Variants in CYFIP2 observed in about 807,000 individuals in gnomAD.
CYFIP2 encodes cytoplasmic FMR1 interacting protein 2, also known as cytoplasmic FMR1-interacting protein 2.
A neutral mutation model predicts 158.7 loss-of-function variants in CYFIP2; 29 were observed. That is an observed-to-expected ratio of 0.18 (90% CI 0.14 to 0.25). The LOEUF is 0.25. CYFIP2 is among the 10% of genes least tolerant of loss of function. CYFIP2 has a pLI of 1.00. For missense variants in CYFIP2, 852 were observed against 1,639.5 expected, an observed-to-expected ratio of 0.52 and a Z score of 8.29; for synonymous variants, 585 against 617.6, an observed-to-expected ratio of 0.95 and a Z score of 0.78.
intron 26 of CYFIP2, among the ~76,000 whole-genome samples, chr5:157,362,226 C>T (rs1011356312): frequency 1.3e-5 from 2 of 152,204 alleles, no homozygotes; most frequent in African/African-American, 4.8e-5. Context: ...GGTATGGCTT[C>T]TTCCAGGCCT....
At chr5:157,282,272 G>A (rs1354706081) in intron 1 of CYFIP2, among the ~76,000 whole-genome samples, 1 of 152,190 alleles carries the variant, frequency 6.6e-6, no homozygotes, top group Non-Finnish European at 1.5e-5. Context: ...TATACCATAT[G>A]GTGGAAGCAG....
At chr5:157,323,824 C>T (rs1760797579) in intron 15 of CYFIP2, 97 bp from the exon 16 acceptor site, 3 of 1,235,390 alleles carry the variant, frequency 2.4e-6, no homozygotes. Context: ...CAGACATCTG[C>T]AGAAAAAAAA....
chr5:157,273,108 C>T (rs1447684982), intron 1 of CYFIP2, among the ~76,000 whole-genome samples: 1 of 152,118 alleles, frequency 6.6e-6, no homozygotes, highest in East Asian at 1.9e-4. Context: ...TCAGGTGATC[C>T]ACCTGCCTCG....
intron 2 of CYFIP2, among the ~76,000 whole-genome samples, chr5:157,286,552 G>GTATATATATATATATATATATATATA (rs34826918): frequency 5.8e-5 from 8 of 138,116 alleles, no homozygotes; most frequent in African/African-American, 1.9e-4. Context: ...GCTATTTTAT[G>GTATATATATATATATATATATATATA]TATATATATA....
intron 7 of CYFIP2, 105 bp downstream of exon 7, chr5:157,302,995 A>G: frequency 1.2e-6 from 1 of 815,710 alleles, no homozygotes; most frequent in Non-Finnish European, 1.9e-6. Context: ...CTCAGTCTGC[A>G]GCTTCCATCT....
At chr5:157,308,899 A>G (rs1759467630) in intron 9 of CYFIP2, among the ~76,000 whole-genome samples, 2 of 152,164 alleles carry the variant, frequency 1.3e-5, no homozygotes, top group African/African-American at 4.8e-5. Context: ...GCCACTTAAT[A>G]GCTGGATGAC....
chr5:157,296,804 G>C (rs1329212307), intron 5 of CYFIP2, 30 bp downstream of exon 5: 1 of 1,579,906 alleles, frequency 6.3e-7, no homozygotes, highest in South Asian at 1.1e-5. Flanking sequence ...TCTGCATCTG[G>C]AGAACTGAAA....
rs371947703 is a variant in CYFIP2, at chr5:157,294,917, A to G, written c.285+57A>G. 3.6e-4 allele frequency: 510 copies of G among 1,409,098 alleles called. 1 individual carries two copies. The African/African-American group carries it at 5.4e-3, about 15-fold the overall frequency. The allele number at this position is 1,409,098 out of a possible 1,614,324, so 87.3% of individuals were successfully genotyped here. ...CCTCCAGAGGGCATTACTAACCCCT[A>G]CTTCATCCCCAAACCAGAGAGCTGA... On this transcript the variant is annotated intron_variant, in intron 4 of 30. Coordinates refer to ENST00000620254, the MANE Select transcript of CYFIP2 (RefSeq NM_001037333.3).
intron 1 of CYFIP2, among the ~76,000 whole-genome samples, chr5:157,267,971 C>A (rs1043493003): frequency 6.6e-6 from 1 of 152,244 alleles, no homozygotes; most frequent in Non-Finnish European, 1.5e-5. Context: ...GTTTGTTTGA[C>A]TGGTCAGGTG....
In CYFIP2 at chr5:157,320,695, G is replaced by A. The variant is rs1427383890; in HGVS notation, c.1564G>A (p.Gly522Arg). ...TCGAAAGACCATCTGTGACTGGGAG[G>A]GAGGGCGAGAGCCCCCTAATGACCC... ...AIRKTICDWEGGREPPNDPCL... is the reference protein window; with the variant it reads ...AIRKTICDWERGREPPNDPCL... The change falls in exon 15 of 31, where the codon GGA becomes AGA. Residue 522 changes from glycine to arginine, a missense_variant. Transcript: ENST00000620254. 2 of 1,613,964 alleles carry A rather than the reference G, an allele frequency of 1.2e-6. No homozygotes were observed. The highest frequency in any genetic ancestry group is 8.5e-7 in the Non-Finnish European group (1 of 1,179,858).
At chr5:157,338,488 T>C (rs1445012704) in intron 21 of CYFIP2, among the ~76,000 whole-genome samples, 1 of 152,260 alleles carries the variant, frequency 6.6e-6, no homozygotes, top group Non-Finnish European at 1.5e-5. Flanking sequence ...ACTTAACTTC[T>C]CAAAGCCTCG....
At chr5:157,276,223 C>G (rs1241806337) in intron 1 of CYFIP2, among the ~76,000 whole-genome samples, 1 of 152,140 alleles carries the variant, frequency 6.6e-6, no homozygotes, top group Non-Finnish European at 1.5e-5. Flanking sequence ...TTGTCTTGTT[C>G]TTGATCTTGG....
At chr5:157,362,888 T>G (rs1204969950) in intron 26 of CYFIP2, 1 of 152,184 alleles carries the variant, frequency 6.6e-6, no homozygotes, top group African/African-American at 2.4e-5. Context: ...GGGGAGAACA[T>G]GCACTGTTAC....
intron 23 of CYFIP2, chr5:157,343,115 T>A: frequency 6.2e-7 from 1 of 1,614,146 alleles, no homozygotes; most frequent in Non-Finnish European, 8.5e-7. Context: ...TCGCGGCTCA[T>A]GGCAACGGAC....
chr5:157,319,372 T>TG (rs1760407960), intron 13 of CYFIP2, among the ~76,000 whole-genome samples: 2 of 152,330 alleles, frequency 1.3e-5, no homozygotes, highest in South Asian at 4.1e-4. Context: ...TGTCTGTGAG[T>TG]GCCTGGTCTA....
At chr5:157,377,067 C>A in intron 26 of CYFIP2, 1 of 320,272 alleles carries the variant, frequency 3.1e-6, no homozygotes, top group Non-Finnish European at 6.3e-6. Context: ...CTGCTCACTT[C>A]CTTCTATCTC....
chr5:157,377,571 A>G (rs549122217), intron 26 of CYFIP2, among the ~76,000 whole-genome samples: 2 of 152,256 alleles, frequency 1.3e-5, no homozygotes, highest in Admixed American at 1.3e-4. Context: ...TTTTGTCATC[A>G]TCTTGGTAAG....
chr5:157,266,533 G>A lies in CYFIP2; in HGVS notation c.-24+338G>A, dbSNP rs1755615315. The A allele has an allele frequency of 6.6e-6, 1 of 152,344 alleles. No homozygotes were observed. The highest frequency in any genetic ancestry group is 2.4e-5 in the African/African-American group (1 of 41,450). The allele number at this position is 152,344 out of a possible 1,614,324, so 9.4% of individuals were successfully genotyped here. A position where few individuals can be genotyped will look rare whatever the true frequency, so the allele number is the denominator to read the frequency against. The stretch of plus-strand genomic sequence containing the variant: ...GAGGCGGTGCTAATCTCAGGGACCG[G>A]AGACACCTGCAGCGGCCGCGAGCCC... On this transcript the variant is annotated intron_variant, in intron 1 of 30. Coordinates refer to ENST00000620254, the MANE Select transcript of CYFIP2 (RefSeq NM_001037333.3). This position sits in a 1 kb window ranked among gnomAD's most constrained non-coding sequence, Gnocchi z 4.2.
chr5:157,315,295 G>GAAA (rs1410316589), intron 13 of CYFIP2, among the ~76,000 whole-genome samples: 1 of 150,620 alleles, frequency 6.6e-6, no homozygotes, highest in African/African-American at 2.5e-5. Context: ...AAAATCCAAA[G>GAAA]AAAAACATCC....
Sources: allele counts gnomAD v4.1 joint callset (sites outside exome capture counted in the v4.1 genomes callset), GRCh38; gene constraint gnomAD v4.1.1; non-coding constraint Gnocchi (gnomAD v3.1); transcripts MANE v1.5; gene names NCBI Gene and HGNC (gene_info 2026-07-23, HGNC 2026-07-21).